The following RPTOR variants were observed in gnomAD, a reference collection of about 807,000 sequenced individuals.
RPTOR encodes regulatory-associated protein of mTOR.
Under a neutral mutation model 169.9 loss-of-function variants are expected in RPTOR, and 21 were observed. The ratio of observed to expected loss-of-function variants is 0.12; its 90% CI spans 0.09 to 0.18. The LOEUF (loss-of-function observed/expected upper bound fraction) is 0.18, where lower values mean the gene tolerates loss of function less well. RPTOR is among the 10% of genes least tolerant of loss of function. RPTOR has a pLI of 1.00. For synonymous variants in RPTOR, 732 were observed against 753.2 expected, an observed-to-expected ratio of 0.97 and a Z score of 0.46; for missense variants, 1,133 against 1,855.9, an observed-to-expected ratio of 0.61 and a Z score of 7.16.
intron 12 of RPTOR, among the ~76,000 whole-genome samples, chr17:80,857,330 C>CTGGCCGTGCCGTCACGGAGAGG (rs2067863755): frequency 6.6e-6 from 1 of 152,226 alleles, no homozygotes; most frequent in Non-Finnish European, 1.5e-5. Flanking sequence ...GTTGAGCAAG[C>CTGGCCGTGCCGTCACGGAGAGG]TGGCCGTGCC....
At chr17:80,783,980 G>T (rs1403000550) in intron 6 of RPTOR, among the ~76,000 whole-genome samples, 1 of 152,128 alleles carries the variant, frequency 6.6e-6, no homozygotes, top group Non-Finnish European at 1.5e-5. Flanking sequence ...ATACTAAAAG[G>T]CATACTTTTT....
At chr17:80,574,158 C>CTTT (rs554064785) in intron 1 of RPTOR, among the ~76,000 whole-genome samples, 10 of 129,318 alleles carry the variant, frequency 7.7e-5, no homozygotes, top group South Asian at 4.8e-4. Context: ...TTTCTTTTTT[C>CTTT]TTTTTTTTTT....
intron 1 of RPTOR, among the ~76,000 whole-genome samples, chr17:80,615,942 C>T (rs928434104): frequency 4.6e-5 from 7 of 152,090 alleles, no homozygotes; most frequent in Admixed American, 3.9e-4. Context: ...GCCTTTGGAA[C>T]GGCTTCATGA....
intron 3 of RPTOR, among the ~76,000 whole-genome samples, chr17:80,654,967 G>C (rs2065668601): frequency 6.6e-6 from 1 of 152,182 alleles, no homozygotes; most frequent in African/African-American, 2.4e-5. Context: ...AGAAGAAAGA[G>C]AAAGTTACCA....
chr17:80,727,417 A>G (rs1475291238), intron 4 of RPTOR, among the ~76,000 whole-genome samples: 3 of 146,634 alleles, frequency 2.0e-5, no homozygotes, highest in African/African-American at 2.6e-5. Context: ...ACCTCTGATC[A>G]TGTCACGCTT....
intron 8 of RPTOR, among the ~76,000 whole-genome samples, chr17:80,822,786 A>ATGTG (rs933339754): frequency 6.0e-4 from 49 of 81,724 alleles, no homozygotes; most frequent in African/African-American, 2.1e-3. Flanking sequence ...GTACACCTGT[A>ATGTG]TGTGTGTGCG....
intron 3 of RPTOR, among the ~76,000 whole-genome samples, chr17:80,685,625 A>ATTTT (rs1567856556): frequency 3.4e-4 from 12 of 35,322 alleles, no homozygotes; most frequent in African/African-American, 4.4e-4. Flanking sequence ...ATATATATAT[A>ATTTT]TATTTTTTTT....
intron 7 of RPTOR, among the ~76,000 whole-genome samples, chr17:80,793,399 T>G (rs1375033253): frequency 6.6e-6 from 1 of 152,216 alleles, no homozygotes; most frequent in Non-Finnish European, 1.5e-5. Context: ...CCTTGCTGGG[T>G]TGGCTTATTC....
intron 13 of RPTOR, among the ~76,000 whole-genome samples, chr17:80,873,335 G>C (rs1302090509): frequency 6.6e-6 from 1 of 152,114 alleles, no homozygotes; most frequent in Non-Finnish European, 1.5e-5. Context: ...ATCTGGAATT[G>C]TGATGTTTCT....
At chr17:80,950,555 A>G (rs566655611) in intron 28 of RPTOR, among the ~76,000 whole-genome samples, 2 of 151,838 alleles carry the variant, frequency 1.3e-5, no homozygotes, top group East Asian at 1.9e-4. Flanking sequence ...AAAAAAAATC[A>G]TCCACACCCC....
chr17:80,689,932 C>T (rs2316059), intron 3 of RPTOR, among the ~76,000 whole-genome samples: 26,664 of 151,964 alleles, frequency 0.18, 3,718 homozygotes, highest in African/African-American at 0.39. Flanking sequence ...TCTGGCTGCA[C>T]CTTGGAGAAA....
At chr17:80,924,567 A>C (rs1159048426) in intron 23 of RPTOR, among the ~76,000 whole-genome samples, 1 of 151,168 alleles carries the variant, frequency 6.6e-6, no homozygotes, top group Non-Finnish European at 1.5e-5. Flanking sequence ...GCAGAGGAGG[A>C]GCGAGAATCA....
At chr17:80,821,229 G>T (rs2067375358) in intron 7 of RPTOR, among the ~76,000 whole-genome samples, 1 of 152,212 alleles carries the variant, frequency 6.6e-6, no homozygotes, top group African/African-American at 2.4e-5. Flanking sequence ...GAGCGGCCTG[G>T]GCAACACAGT....
At chr17:80,939,924 C>G (rs1002396810) in intron 24 of RPTOR, among the ~76,000 whole-genome samples, 11 of 152,212 alleles carry the variant, frequency 7.2e-5, no homozygotes, top group African/African-American at 2.7e-4. Context: ...TCACAGGCCA[C>G]TCACTCAAGG....
At chr17:80,774,792 G>A (rs1428058570) in intron 6 of RPTOR, among the ~76,000 whole-genome samples, 3 of 152,200 alleles carry the variant, frequency 2.0e-5, no homozygotes, top group Non-Finnish European at 4.4e-5. Context: ...GCTGTGTGCA[G>A]GGGACCGTAA....
At chr17:80,832,637 C>T (rs2067518524) in intron 9 of RPTOR, among the ~76,000 whole-genome samples, 1 of 152,220 alleles carries the variant, frequency 6.6e-6, no homozygotes, top group East Asian at 1.9e-4. Context: ...ATTTTGCCAA[C>T]TGCAACTGAG....
intron 3 of RPTOR, among the ~76,000 whole-genome samples, chr17:80,688,155 C>T (rs967812010): frequency 5.9e-5 from 9 of 152,162 alleles, no homozygotes; most frequent in East Asian, 1.9e-4. Context: ...TGAACACTCA[C>T]GTAGCACTGC....
chr17:80,620,098 C>T (rs748021215), intron 1 of RPTOR, among the ~76,000 whole-genome samples: 1 of 152,182 alleles, frequency 6.6e-6, no homozygotes, highest in Non-Finnish European at 1.5e-5. Flanking sequence ...TCCACCCCCT[C>T]ACTTTAAGGA....
At chr17:80,779,564 C>T (rs776068223) in intron 6 of RPTOR, among the ~76,000 whole-genome samples, 4 of 152,140 alleles carry the variant, frequency 2.6e-5, no homozygotes, top group African/African-American at 2.4e-5. Flanking sequence ...TGTGCAATTC[C>T]GTGACCGCAG....
Sources: allele counts gnomAD v4.1 joint callset (sites outside exome capture counted in the v4.1 genomes callset), GRCh38; gene constraint gnomAD v4.1.1; transcripts MANE v1.5; gene names NCBI Gene and HGNC (gene_info 2026-07-23, HGNC 2026-07-21).